YAP1: variants seen among roughly 807,000 people sequenced by gnomAD.
YAP1 encodes the protein Yes1 associated transcriptional regulator, also known as transcriptional coactivator YAP1.
YAP1 carries 5 observed loss-of-function variants against 56.9 expected under a neutral mutation model. The ratio of observed to expected loss-of-function variants is 0.09; its 90% confidence interval spans 0.05 to 0.18. YAP1 has a LOEUF of 0.18. Among genes scored for constraint, YAP1 ranks in the 10% least tolerant of loss-of-function variants. The pLI is 1.00. For missense variants in YAP1, 539 were observed against 651.8 expected, an observed-to-expected ratio of 0.83 and a Z score of 1.88; for synonymous variants, 265 against 248.1, an observed-to-expected ratio of 1.07 and a Z score of -0.64.
rs1943133610 is a variant in YAP1 at position 102,114,124 on chromosome 11, A to G, written c.322-20A>G. 1.3e-6 allele frequency: 2 copies of G among 1,550,402 alleles called. No homozygotes were observed. The highest frequency in any genetic ancestry group is 4.6e-5 in the East Asian group (2 of 43,662). On this transcript the variant is annotated intron_variant, in intron 1 of 8. Transcript: ENST00000282441. ...TGTGTTTTTTCTTTTTTAATTTTTC[A>G]TCTTAATATTCCCTAATAGGCCAGT... is the stretch of plus-strand genomic sequence containing the variant.
At chr11:102,222,943 TTTAAGAA>T (rs925419600) in intron 6 of YAP1, among the ~76,000 whole-genome samples, 12 of 151,820 alleles carry the variant, frequency 7.9e-5, no homozygotes, top group African/African-American at 2.9e-4. Flanking sequence ...AAAAGCAAAC[TTTAAGAA>T]TTATTTTTTT....
At chr11:102,131,952 T>C (rs1234771142) in intron 2 of YAP1, among the ~76,000 whole-genome samples, 1 of 152,082 alleles carries the variant, frequency 6.6e-6, no homozygotes, top group Non-Finnish European at 1.5e-5. Flanking sequence ...ACCCTGTCTC[T>C]ACTAAAAATA....
chr11:102,150,172 C>T (rs1029376037), intron 2 of YAP1, among the ~76,000 whole-genome samples: 3 of 151,520 alleles, frequency 2.0e-5, no homozygotes, highest in Non-Finnish European at 4.4e-5. Flanking sequence ...TTACTAGAGA[C>T]GAGGTTTCAC....
chr11:102,150,764 A>C (rs894264194), intron 2 of YAP1, among the ~76,000 whole-genome samples: 4 of 150,214 alleles, frequency 2.7e-5, no homozygotes, highest in African/African-American at 2.4e-5. Flanking sequence ...ATTTTTACAC[A>C]TGCAAATCTT....
intron 4 of YAP1, among the ~76,000 whole-genome samples, chr11:102,198,682 T>C (rs1270209371): frequency 1.3e-5 from 2 of 152,230 alleles, no homozygotes; most frequent in African/African-American, 4.8e-5. Context: ...CAATAGTTGT[T>C]TGCCTTGGGC....
At chr11:102,203,266 A>G (rs1412753692) in intron 4 of YAP1, among the ~76,000 whole-genome samples, 1 of 152,234 alleles carries the variant, frequency 6.6e-6, no homozygotes, top group Non-Finnish European at 1.5e-5. Context: ...ATGTTATTAA[A>G]GAAGTCTTGG....
At chr11:102,223,486 G>T in intron 6 of YAP1, 136 bp from the exon 7 acceptor site, 2 of 923,718 alleles carry the variant, frequency 2.2e-6, no homozygotes, top group Non-Finnish European at 3.2e-6. Flanking sequence ...CATTCTGATT[G>T]GGAAATGTAT....
chr11:102,138,918 A>G (rs1360994541), intron 2 of YAP1, among the ~76,000 whole-genome samples: 4 of 152,204 alleles, frequency 2.6e-5, no homozygotes, highest in Non-Finnish European at 5.9e-5. Context: ...CTGTGATTAC[A>G]TCACACGTGT....
At chr11:102,149,843 T>C (rs986082417) in intron 2 of YAP1, among the ~76,000 whole-genome samples, 1 of 152,178 alleles carries the variant, frequency 6.6e-6, no homozygotes, top group African/African-American at 2.4e-5. Flanking sequence ...TCACCTGGCA[T>C]GATGACTTTG....
chr11:102,224,198 G>A (rs1052485553), intron 7 of YAP1, among the ~76,000 whole-genome samples: 24 of 152,300 alleles, frequency 1.6e-4, no homozygotes, highest in African/African-American at 5.3e-4. Flanking sequence ...TGTTCTTAAG[G>A]GCTATAGTCC....
chr11:102,118,482 G>C (rs1943440867), intron 2 of YAP1, among the ~76,000 whole-genome samples: 1 of 75,630 alleles, frequency 1.3e-5, no homozygotes, highest in South Asian at 4.3e-4. Context: ...TTTTTTTTTT[G>C]AGACAGAGTC....
intron 3 of YAP1, among the ~76,000 whole-genome samples, chr11:102,185,074 G>T (rs1158593321): frequency 6.6e-6 from 1 of 152,182 alleles, no homozygotes; most frequent in African/African-American, 2.4e-5. Context: ...CAGAAGAAAA[G>T]ATTTTAGCCA....
chr11:102,136,647 C>T (rs781657033), intron 2 of YAP1, among the ~76,000 whole-genome samples: 33 of 152,082 alleles, frequency 2.2e-4, no homozygotes, highest in Non-Finnish European at 3.4e-4. Context: ...GCCACTGCAC[C>T]GGGCTCATTT....
intron 6 of YAP1, among the ~76,000 whole-genome samples, chr11:102,213,823 A>G (rs1356295695): frequency 1.3e-5 from 2 of 152,224 alleles, no homozygotes; most frequent in Non-Finnish European, 2.9e-5. Context: ...CACGCCTGTA[A>G]TCCCAGCACT....
At chr11:102,139,269 A>G (rs1245727788) in intron 2 of YAP1, among the ~76,000 whole-genome samples, 2 of 151,176 alleles carry the variant, frequency 1.3e-5, no homozygotes, top group African/African-American at 2.4e-5. Flanking sequence ...CATTTTTGGT[A>G]GTGGAGTTGT....
At chr11:102,194,056 C>T (rs745421678) in intron 4 of YAP1, among the ~76,000 whole-genome samples, 4 of 152,168 alleles carry the variant, frequency 2.6e-5, no homozygotes, top group African/African-American at 7.2e-5. Flanking sequence ...CCGCCCACCT[C>T]GGCCTCCCGA....
intron 3 of YAP1, among the ~76,000 whole-genome samples, chr11:102,185,234 C>T (rs1379781064): frequency 6.6e-6 from 1 of 152,166 alleles, no homozygotes; most frequent in East Asian, 1.9e-4. Flanking sequence ...CTTTTCATTG[C>T]TGTTACCTCC....
chr11:102,190,435 A>G (rs974467438), intron 4 of YAP1, among the ~76,000 whole-genome samples: 3 of 152,078 alleles, frequency 2.0e-5, no homozygotes, highest in African/African-American at 4.8e-5. Context: ...GTTCCTGACC[A>G]GCCTGGCCAA....
At chr11:102,145,635 A>C (rs564729027) in intron 2 of YAP1, among the ~76,000 whole-genome samples, 1 of 152,366 alleles carries the variant, frequency 6.6e-6, no homozygotes, top group South Asian at 2.1e-4. Context: ...TATTAGGACA[A>C]AGAATTAGGT....
Sources: allele counts gnomAD v4.1 joint callset (sites outside exome capture counted in the v4.1 genomes callset), GRCh38; gene constraint gnomAD v4.1.1; transcripts MANE v1.5; gene names NCBI Gene and HGNC (gene_info 2026-07-23, HGNC 2026-07-21).